Variants in RASGEF1C observed in about 807,000 individuals in gnomAD.
RASGEF1C encodes the protein ras-GEF domain-containing family member 1C.
RASGEF1C carries 27 observed loss-of-function variants against 58.1 expected under a neutral mutation model. That is an observed-to-expected ratio of 0.46 (90% CI 0.34 to 0.64). RASGEF1C has a LOEUF of 0.64. RASGEF1C is among the 30% of genes least tolerant of loss of function. The pLI is 0.01. For synonymous variants in RASGEF1C, 243 were observed against 246.3 expected (o/e 0.99, Z 0.13); for missense variants, 502 against 605.1 (o/e 0.83, Z 1.79).
At chr5:180,172,537 C>G (rs1244976043) in intron 1 of RASGEF1C, among the ~76,000 whole-genome samples, 1 of 152,190 alleles carries the variant, frequency 6.6e-6, no homozygotes, top group Non-Finnish European at 1.5e-5. Context: ...TGCCTGCCCG[C>G]CACTTCTCTC....
At chr5:180,133,375 T>C (rs1312012695) in intron 4 of RASGEF1C, among the ~76,000 whole-genome samples, 3 of 152,152 alleles carry the variant, frequency 2.0e-5, no homozygotes, top group Non-Finnish European at 4.4e-5. Context: ...CCTTTCACTG[T>C]CACTCTGATG....
intron 1 of RASGEF1C, among the ~76,000 whole-genome samples, chr5:180,207,652 C>T (rs1158077658): frequency 1.3e-5 from 2 of 152,324 alleles, no homozygotes; most frequent in South Asian, 2.1e-4. Flanking sequence ...TCTCCTGCCC[C>T]GGCAGTGCGC....
chr5:180,165,963 A>G (rs1027407851), intron 1 of RASGEF1C, among the ~76,000 whole-genome samples: 11 of 151,600 alleles, frequency 7.3e-5, no homozygotes, highest in African/African-American at 2.4e-4. Context: ...GTTAGCCAGG[A>G]TGGTCTTGAT....
Position 180,137,117 on chromosome 5 carries a change from G to T in RASGEF1C, c.300+473C>A, listed in dbSNP as rs4467668. The stretch of plus-strand genomic sequence containing the variant: ...GCTGTGGTGTGAGGCCCGAGCCAGC[G>T]GTCCCTGAGATAGGGCAGGTACACG... On this transcript the variant is annotated intron_variant, in intron 3 of 13. Transcript: ENST00000361132. This position sits in a 1 kb window ranked among gnomAD's most constrained non-coding sequence, Gnocchi z 4.1. Among the ~76,000 whole-genome samples the T allele has an allele frequency of 3.6e-3, 548 of 152,264 alleles. 9 individuals carry two copies. The highest frequency in any genetic ancestry group is 0.032 in the South Asian group (153 of 4,832).
chr5:180,128,653 TC>T, intron 4 of RASGEF1C, 43 bp from the exon 5 acceptor site: 1 of 1,586,356 alleles, frequency 6.3e-7, no homozygotes. Context: ...AACACTCATC[TC>T]TGCATCTCTA....
chr5:180,176,136 T>G (rs1424462603), intron 1 of RASGEF1C, among the ~76,000 whole-genome samples: 1 of 152,180 alleles, frequency 6.6e-6, no homozygotes, highest in Non-Finnish European at 1.5e-5. Flanking sequence ...TTGGATAGGG[T>G]GGACTTCAGG....
chr5:180,178,969 A>G (rs570936442), intron 1 of RASGEF1C, among the ~76,000 whole-genome samples: 67 of 152,196 alleles, frequency 4.4e-4, no homozygotes, highest in Non-Finnish European at 8.1e-4. Context: ...GCAAGGTCTG[A>G]GGGCTGAAGC....
Position 180,198,432 on chromosome 5 carries a change from T to C in RASGEF1C, c.-7+10596A>G, listed in dbSNP as rs1756318487. Among the ~76,000 whole-genome samples, 1 of 152,190 alleles carries C rather than the reference T, an allele frequency of 6.6e-6. No individual in the cohort carries two copies. Among genetic ancestry groups the C allele is most frequent in the Non-Finnish European group, 1.5e-5 (1 of 68,028 alleles). ...AGAGGAAGGAGTGTGTCTTAGTCTG[T>C]TTCTGCTGCTATAACAAAATACCTG... On this transcript the variant is annotated intron_variant, in intron 1 of 13. Coordinates refer to ENST00000361132, the MANE Select transcript of RASGEF1C (RefSeq NM_175062.4). The surrounding 1 kb of genome is among the most constrained non-coding windows in gnomAD (Gnocchi z 4.5).
At chr5:180,159,745 C>G (rs73336756) in intron 1 of RASGEF1C, among the ~76,000 whole-genome samples, 1,776 of 152,346 alleles carry the variant, frequency 0.012, 35 homozygotes, top group African/African-American at 0.041. Flanking sequence ...CTGAGGTCTG[C>G]TCTATCATTG....
At chr5:180,132,741 C>T (rs746399719) in intron 4 of RASGEF1C, among the ~76,000 whole-genome samples, 2 of 152,122 alleles carry the variant, frequency 1.3e-5, no homozygotes, top group Non-Finnish European at 2.9e-5. Flanking sequence ...GAGGCCGAGG[C>T]GGGCAGATCA....
intron 1 of RASGEF1C, among the ~76,000 whole-genome samples, chr5:180,171,274 G>T (rs1300106501): frequency 6.6e-6 from 1 of 152,106 alleles, no homozygotes; most frequent in East Asian, 2.0e-4. Context: ...TGGAAGAAGT[G>T]TGACCTGTTT....
rs189410859 is a variant in RASGEF1C, at chr5:180,193,479, G to T, written c.-7+15549C>A. ...CTGCTACAGATCTGATTCCCCTGGG[G>T]GGAAAGTCAGGGAGGGACATGCAAG... On this transcript the variant is annotated intron_variant, in intron 1 of 13. Transcript: ENST00000361132. Among the ~76,000 whole-genome samples, 724 of 152,268 alleles carry T rather than the reference G, an allele frequency of 4.8e-3. 5 individuals are homozygous for T. The highest frequency in any genetic ancestry group is 5.9e-3 in the Non-Finnish European group (403 of 68,022).
rs113565445 is a variant in RASGEF1C at position 180,168,402 on chromosome 5, C to T, written c.-6-30344G>A. On this transcript the variant is annotated intron_variant, in intron 1 of 13. Coordinates refer to ENST00000361132, the MANE Select transcript of RASGEF1C (RefSeq NM_175062.4). This position sits in a 1 kb window ranked among gnomAD's most constrained non-coding sequence, Gnocchi z 6.0. The stretch of plus-strand genomic sequence containing the variant: ...GAGCCGAGATGGCGCCACTGCACTC[C>T]AGCCTGGGCAACAAGAGCGAAACTC... Among the ~76,000 whole-genome samples the T allele has an allele frequency of 0.38, 58,424 of 152,044 alleles. 13,454 individuals are homozygous for T. The highest frequency in any genetic ancestry group is 0.52 in the Non-Finnish European group (35,575 of 67,964).
intron 1 of RASGEF1C, among the ~76,000 whole-genome samples, chr5:180,165,336 G>A (rs908539295): frequency 6.6e-6 from 1 of 152,078 alleles, no homozygotes; most frequent in Non-Finnish European, 1.5e-5. Context: ...GCAGGTTTAG[G>A]TTCATGGCAA....
At chr5:180,120,283 C>T (rs1337487785) in intron 7 of RASGEF1C, among the ~76,000 whole-genome samples, 1 of 152,198 alleles carries the variant, frequency 6.6e-6, no homozygotes, top group Non-Finnish European at 1.5e-5. Context: ...GCAGTCCGCC[C>T]TGTGATGGGG....
At chr5:180,190,354 G>A (rs561636079) in intron 1 of RASGEF1C, among the ~76,000 whole-genome samples, 34 of 151,844 alleles carry the variant, frequency 2.2e-4, no homozygotes, top group African/African-American at 8.0e-4. Flanking sequence ...GCCGGGCGTG[G>A]TGGCGGGCGC....
chr5:180,201,875 G>A (rs762237817), intron 1 of RASGEF1C, among the ~76,000 whole-genome samples: 12 of 152,150 alleles, frequency 7.9e-5, no homozygotes, highest in Non-Finnish European at 1.2e-4. Flanking sequence ...ACCAGGATGC[G>A]GCCCTCACCA....
At chr5:180,121,457 G>A (rs1582266716) in intron 6 of RASGEF1C, among the ~76,000 whole-genome samples, 1 of 152,130 alleles carries the variant, frequency 6.6e-6, no homozygotes, top group Non-Finnish European at 1.5e-5. Flanking sequence ...GGGACTACAG[G>A]CGCCCGCCAC....
At chr5:180,182,429 A>G (rs920637237) in intron 1 of RASGEF1C, among the ~76,000 whole-genome samples, 1 of 152,132 alleles carries the variant, frequency 6.6e-6, no homozygotes, top group Admixed American at 6.5e-5. Context: ...GTGAAGACCA[A>G]AAGAACTCAG....
Sources: gnomAD v4.1 joint callset for allele counts (sites outside exome capture counted in the v4.1 genomes callset) on GRCh38, gnomAD v4.1.1 for gene constraint, Gnocchi (gnomAD v3.1) non-coding constraint, MANE v1.5 for transcripts, NCBI Gene and HGNC (gene_info 2026-07-23, HGNC 2026-07-21) for gene names.